The following GRHL2 variants were observed in gnomAD, a reference collection of about 807,000 sequenced individuals.
GRHL2 encodes the protein grainyhead-like protein 2 homolog.
Under a neutral mutation model 83.8 loss-of-function variants are expected in GRHL2, and 21 were observed. The ratio of observed to expected loss-of-function variants is 0.25; its 90% CI spans 0.18 to 0.36. GRHL2 has a LOEUF of 0.36. GRHL2 is among the 10% of genes least tolerant of loss of function. The pLI is 1.00. For synonymous variants in GRHL2, 280 were observed against 278.9 expected (o/e 1.00, Z -0.04); for missense variants, 623 against 781.8 (o/e 0.80, Z 2.42).
At chr8:101,658,573 T>C (rs1338626195) in intron 14 of GRHL2, among the ~76,000 whole-genome samples, 1 of 152,178 alleles carries the variant, frequency 6.6e-6, no homozygotes. Flanking sequence ...CTACCCTAGA[T>C]TTTATGCCCT....
intron 1 of GRHL2, among the ~76,000 whole-genome samples, chr8:101,513,510 T>TTTTTTTTTTTTTTG (rs55792824): frequency 1.4e-4 from 20 of 147,196 alleles, no homozygotes; most frequent in African/African-American, 2.5e-4. Flanking sequence ...CTTTTTTTTT[T>TTTTTTTTTTTTTTG]GGAGATGGAG....
At chr8:101,564,987 T>C (rs1811687002) in intron 4 of GRHL2, among the ~76,000 whole-genome samples, 1 of 152,210 alleles carries the variant, frequency 6.6e-6, no homozygotes, top group African/African-American at 2.4e-5. Context: ...TTCTGCCTTC[T>C]AGAAGCTTAC....
At chr8:101,649,555 G>A in intron 14 of GRHL2, 56 bp downstream of exon 14, 9 of 1,331,090 alleles carry the variant, frequency 6.8e-6, no homozygotes, top group Non-Finnish European at 9.7e-6. Context: ...TCTCTCCTCT[G>A]GAATCCATGT....
chr8:101,595,849 C>T (rs975566318), intron 7 of GRHL2, among the ~76,000 whole-genome samples: 14 of 152,094 alleles, frequency 9.2e-5, no homozygotes, highest in African/African-American at 2.7e-4. Context: ...GGCTGGGTGC[C>T]GTGGCTCACA....
intron 1 of GRHL2, among the ~76,000 whole-genome samples, chr8:101,503,292 TA>T (rs1810270601): frequency 6.6e-6 from 1 of 152,152 alleles, no homozygotes; most frequent in Non-Finnish European, 1.5e-5. Flanking sequence ...AAAATAATTT[TA>T]AAAAGAACAA....
intron 9 of GRHL2, among the ~76,000 whole-genome samples, chr8:101,625,245 G>C (rs1027772936): frequency 6.6e-6 from 1 of 151,986 alleles, no homozygotes; most frequent in Non-Finnish European, 1.5e-5. Flanking sequence ...GAGGAACCTG[G>C]CAATCCATTC....
At chr8:101,661,771 AT>A (rs545165981) in intron 14 of GRHL2, among the ~76,000 whole-genome samples, 28 of 152,280 alleles carry the variant, frequency 1.8e-4, no homozygotes, top group African/African-American at 6.7e-4. Flanking sequence ...TTGTTGGTGT[AT>A]GGGATTTATG....
At chr8:101,610,295 T>G (rs4734559) in intron 8 of GRHL2, among the ~76,000 whole-genome samples, 75,195 of 150,600 alleles carry the variant, frequency 0.5, 21,105 homozygotes, top group African/African-American at 0.71. Context: ...TAATCTACCT[T>G]TGGATCATTT....
chr8:101,640,374 T>C (rs10955267), intron 12 of GRHL2, among the ~76,000 whole-genome samples: 17,525 of 152,032 alleles, frequency 0.12, 2,162 homozygotes, highest in African/African-American at 0.32. Flanking sequence ...AAAAAAATGA[T>C]ACTTAATTGA....
At chr8:101,586,048 C>T (rs1258352701) in intron 7 of GRHL2, among the ~76,000 whole-genome samples, 1 of 149,002 alleles carries the variant, frequency 6.7e-6, no homozygotes, top group African/African-American at 2.5e-5. Context: ...CCTCTTCTTT[C>T]CTTCCACCTC....
At chr8:101,548,838 T>C (rs1469051602) in intron 2 of GRHL2, among the ~76,000 whole-genome samples, 1 of 152,186 alleles carries the variant, frequency 6.6e-6, no homozygotes, top group East Asian at 1.9e-4. Context: ...AGCACAGAGC[T>C]CACATCAGGG....
At chr8:101,649,609 C>T (rs1813581313) in intron 14 of GRHL2, 110 bp downstream of exon 14, 1 of 799,182 alleles carries the variant, frequency 1.3e-6, no homozygotes, top group African/African-American at 1.7e-5. Flanking sequence ...GAGCTTTATA[C>T]AGAACAAGAA....
At chr8:101,519,166 T>C (rs1451015285) in intron 1 of GRHL2, among the ~76,000 whole-genome samples, 1 of 152,134 alleles carries the variant, frequency 6.6e-6, no homozygotes, top group Admixed American at 6.5e-5. Context: ...TAGTCAAAGT[T>C]ATCACTTTTT....
intron 14 of GRHL2, among the ~76,000 whole-genome samples, chr8:101,653,979 C>T (rs537568784): frequency 1.3e-5 from 2 of 152,274 alleles, no homozygotes; most frequent in African/African-American, 4.8e-5. Flanking sequence ...AATAAGTCAC[C>T]TTATGACACT....
intron 6 of GRHL2, among the ~76,000 whole-genome samples, chr8:101,575,304 T>C (rs1019938805): frequency 6.6e-6 from 1 of 152,118 alleles, no homozygotes; most frequent in Non-Finnish European, 1.5e-5. Context: ...TGGTGGGTGG[T>C]TAGTATTCTA....
At chr8:101,615,438 A>T (rs1194368747) in intron 8 of GRHL2, among the ~76,000 whole-genome samples, 6 of 152,226 alleles carry the variant, frequency 3.9e-5, no homozygotes, top group Non-Finnish European at 7.3e-5. Flanking sequence ...AGCTTAGGAA[A>T]TATTCATCAG....
rs79124545 is a variant in GRHL2 at position 101,575,808 on chromosome 8, C to T, written c.892-1600C>T. ...GACACATAAATGGAAAAGTTTGAGG[C>T]GTGGCAGAGGGTAGAATGAAAAGCT... is the stretch of plus-strand genomic sequence containing the variant. On this transcript the variant is annotated intron_variant, in intron 6 of 15. Transcript: ENST00000646743. Among the ~76,000 whole-genome samples, 116 of 152,238 alleles carry T rather than the reference C, an allele frequency of 7.6e-4. 1 individual carries two copies. The East Asian group carries it at 0.02, about 26-fold the overall frequency.
intron 8 of GRHL2, among the ~76,000 whole-genome samples, chr8:101,612,524 C>G (rs12547685): frequency 0.096 from 3,611 of 37,522 alleles, 69 homozygotes; most frequent in Non-Finnish European, 0.12. Context: ...TAGATAGATA[C>G]ATACATACAT....
chr8:101,596,073 T>C (rs965454950), intron 7 of GRHL2, among the ~76,000 whole-genome samples: 1 of 151,780 alleles, frequency 6.6e-6, no homozygotes, highest in African/African-American at 2.4e-5. Flanking sequence ...TGAGCTGAGA[T>C]TGCACCACTG....
Sources: gnomAD v4.1 joint callset for allele counts (sites outside exome capture counted in the v4.1 genomes callset) on GRCh38, gnomAD v4.1.1 for gene constraint, MANE v1.5 for transcripts, NCBI Gene and HGNC (gene_info 2026-07-23, HGNC 2026-07-21) for gene names.